Variants in SEL1L3 observed in about 807,000 individuals in gnomAD.
The protein encoded by SEL1L3 is SEL1L family member 3.
Under a neutral mutation model 142.8 loss-of-function variants are expected in SEL1L3, and 76 were observed. The ratio of observed to expected loss-of-function variants is 0.53; its 90% CI spans 0.44 to 0.64. The LOEUF is 0.64. Among genes scored for constraint, SEL1L3 ranks in the 30% least tolerant of loss-of-function variants. SEL1L3 has a pLI of 0.00. For synonymous variants in SEL1L3, 504 were observed against 519.6 expected, an observed-to-expected ratio of 0.97 and a Z score of 0.41; for missense variants, 1,262 against 1,381.7, an observed-to-expected ratio of 0.91 and a Z score of 1.37.
the SEL1L3 span, among the ~76,000 whole-genome samples, chr4:25,734,664 ATCCAAGTGAT>A: frequency 3.3e-5 from 5 of 151,676 alleles, no homozygotes; most frequent in African/African-American, 1.2e-4. Context: ...TGCCTCCCGG[ATCCAAGTGAT>A]TCTCATTCCT....
chr4:25,833,354 A>AAT (rs1715567063), intron 4 of SEL1L3, 94 bp downstream of exon 4: 1 of 1,248,634 alleles, frequency 8.0e-7, no homozygotes, highest in Non-Finnish European at 1.1e-6. Flanking sequence ...TGCCATGTTG[A>AAT]CAGGATCTTC....
chr4:25,812,396 T>G lies in SEL1L3; in HGVS notation c.1564+5742A>C, dbSNP rs532968972. Among the ~76,000 whole-genome samples, 4 of 152,286 alleles carry G rather than the reference T, an allele frequency of 2.6e-5. No individual in the cohort carries two copies. In the Middle Eastern group the frequency reaches 0.01, roughly 388 times the overall value. On this transcript the variant is annotated intron_variant, in intron 9 of 23. Transcript: ENST00000399878. ...ACCATCCTGCATAATGACTGTCGACTTTCCTGATTTCACAGTAGAGCTTGG... is the reference window on the plus strand; with the variant it reads ...ACCATCCTGCATAATGACTGTCGACGTTCCTGATTTCACAGTAGAGCTTGG...
intron 19 of SEL1L3, among the ~76,000 whole-genome samples, chr4:25,766,254 C>T (rs1178021091): frequency 6.6e-6 from 1 of 152,044 alleles, no homozygotes; most frequent in Non-Finnish European, 1.5e-5. Flanking sequence ...GCCTGGCTAA[C>T]ATGGTGAAAT....
rs777542140 is a variant in SEL1L3 at position 25,788,311 on chromosome 4, G to C, written c.2130C>G (p.Pro710=). Reference sequence around the variant, plus strand: ...TGGCGTACCACTCAATTGCTGCTTCGGGATTCTTGGCCACACCTTGCTGCC... The same window carrying C: ...TGGCGTACCACTCAATTGCTGCTTCCGGATTCTTGGCCACACCTTGCTGCC... ...FWGQQGVAKN[P]EAAIEWYAKG... is the part of the protein sequence containing the mutation. The change falls in exon 13 of 24, where the codon CCC becomes CCG. Residue 710 remains proline, a synonymous_variant. Coordinates refer to ENST00000399878, the MANE Select transcript of SEL1L3 (RefSeq NM_015187.5). The surrounding 1 kb of genome is among the most constrained non-coding windows in gnomAD (Gnocchi z 5.3). 3 of 1,613,894 alleles carry C rather than the reference G, an allele frequency of 1.9e-6. No homozygotes were observed. Among genetic ancestry groups the C allele is most frequent in the Non-Finnish European group, 2.5e-6 (3 of 1,179,848 alleles).
rs189350819 is a variant in SEL1L3 at position 25,822,840 on chromosome 4, G to A, written c.1158-712C>T. 3.9e-5 allele frequency among the ~76,000 whole-genome samples: 6 copies of A among 152,286 alleles called. No homozygotes were observed. The East Asian group carries it at 5.8e-4, about 15-fold the overall frequency. On this transcript the variant is annotated intron_variant, in intron 6 of 23. Coordinates refer to ENST00000399878, the MANE Select transcript of SEL1L3 (RefSeq NM_015187.5). ...GTTCCTTGCAACATTGTTTATATTCGCCAAAGATGGGAGAACCCCGGTGTC... is the reference window on the plus strand; with the variant it reads ...GTTCCTTGCAACATTGTTTATATTCACCAAAGATGGGAGAACCCCGGTGTC...
rs754504252 is a variant in SEL1L3 at position 25,757,675 on chromosome 4, A to G, written c.3186+13T>C. 7 of 1,577,686 alleles carry G rather than the reference A, an allele frequency of 4.4e-6. No individual in the cohort carries two copies. Among genetic ancestry groups the G allele is most frequent in the Non-Finnish European group, 6.0e-6 (7 of 1,161,900 alleles). On this transcript the variant is annotated intron_variant, in intron 22 of 23. Coordinates refer to ENST00000399878, the MANE Select transcript of SEL1L3 (RefSeq NM_015187.5). ...GGGCCACAAGGGTGGGGCCGGTGGG[A>G]CATGAAACCTACCAGGGCTGAGTGC...
intron 11 of SEL1L3, among the ~76,000 whole-genome samples, chr4:25,796,572 C>A (rs951642811): frequency 6.6e-6 from 1 of 152,060 alleles, no homozygotes; most frequent in African/African-American, 2.4e-5. Context: ...GTGGGCAGAT[C>A]GCTTGAGGTC....
chr4:25,754,515 A>G (rs1421385274), intron 23 of SEL1L3, among the ~76,000 whole-genome samples: 1 of 151,806 alleles, frequency 6.6e-6, no homozygotes, highest in Non-Finnish European at 1.5e-5. Flanking sequence ...TACCCGTCCC[A>G]TATTTCAACT....
intron 3 of SEL1L3, among the ~76,000 whole-genome samples, chr4:25,834,163 A>C (rs1715620142): frequency 6.6e-6 from 1 of 152,208 alleles, no homozygotes; most frequent in Admixed American, 6.5e-5. Flanking sequence ...TAATTATCCC[A>C]TTCCTGGACT....
At chr4:25,768,472 C>T (rs1718913199) in intron 17 of SEL1L3, among the ~76,000 whole-genome samples, 1 of 152,182 alleles carries the variant, frequency 6.6e-6, no homozygotes, top group Non-Finnish European at 1.5e-5. Context: ...ACATACTCTA[C>T]AACTACTGCC....
At chr4:25,776,944 G>C (rs1560291555) in intron 16 of SEL1L3, among the ~76,000 whole-genome samples, 4 of 148,782 alleles carry the variant, frequency 2.7e-5, no homozygotes. Flanking sequence ...ACAGGAAAAT[G>C]GTATATTTAA....
the SEL1L3 span, among the ~76,000 whole-genome samples, chr4:25,733,262 A>G: frequency 3.3e-5 from 5 of 152,042 alleles, no homozygotes; most frequent in Non-Finnish European, 5.9e-5. Context: ...TGCAGATGAT[A>G]TATCTCCATT....
chr4:25,789,345 A>G (rs1440064335), intron 12 of SEL1L3, among the ~76,000 whole-genome samples: 1 of 152,130 alleles, frequency 6.6e-6, no homozygotes, highest in African/African-American at 2.4e-5. Flanking sequence ...TTTGAGAGGC[A>G]TAAGCAGGAG....
intron 6 of SEL1L3, among the ~76,000 whole-genome samples, chr4:25,825,676 T>TG (rs1256437924): frequency 2.1e-5 from 3 of 140,472 alleles, no homozygotes; most frequent in Admixed American, 7.2e-5. Context: ...ATTTTTTTTT[T>TG]TTTTTTTTTT....
At chr4:25,798,026 C>A (rs934866915) in intron 11 of SEL1L3, among the ~76,000 whole-genome samples, 1 of 152,128 alleles carries the variant, frequency 6.6e-6, no homozygotes, top group African/African-American at 2.4e-5. Context: ...AGAAAGCAAA[C>A]CAGTAAGCAG....
chr4:25,740,545 G>A, the SEL1L3 span, among the ~76,000 whole-genome samples: 6 of 152,088 alleles, frequency 3.9e-5, no homozygotes, highest in African/African-American at 1.4e-4. Flanking sequence ...GATCCAGGCT[G>A]CTCCAGCTTG....
chr4:25,724,632 G>T, the SEL1L3 span, among the ~76,000 whole-genome samples: 1 of 149,936 alleles, frequency 6.7e-6, no homozygotes, highest in Non-Finnish European at 1.5e-5. Flanking sequence ...AGCCACTCGG[G>T]AGGCTGAGGC....
rs1420686106 is a variant in SEL1L3 at position 25,779,113 on chromosome 4, G to C, written c.2548C>G (p.Leu850Val). ...WCSLYYITGN[L>V]ETFPRDPEKA... Reference sequence around the variant, plus strand: ...TCAGGATCTCTAGGGAATGTCTCCAGGTTGCCTGTGATATAGTAGAGAGAA... The same window carrying C: ...TCAGGATCTCTAGGGAATGTCTCCACGTTGCCTGTGATATAGTAGAGAGAA... Residue 850 changes from leucine (L) to valine (V), a missense_variant, in exon 16 of 24, where the codon CTG (leucine) becomes GTG (valine). Physicochemically the swap from Leu to Val is conservative, Grantham distance 32 (BLOSUM62 1). Around this residue, in one of 3 missense-constraint regions of SEL1L3, gnomAD observed 435 missense variants for 559.2 expected, o/e 0.78. Transcript: ENST00000399878. The C allele has an allele frequency of 1.9e-6, 3 of 1,613,632 alleles. No homozygotes were observed. The highest frequency in any genetic ancestry group is 2.5e-6 in the Non-Finnish European group (3 of 1,179,620).
chr4:25,842,549 C>T (rs1453564493), intron 2 of SEL1L3, among the ~76,000 whole-genome samples: 3 of 152,216 alleles, frequency 2.0e-5, no homozygotes, highest in South Asian at 2.1e-4. Context: ...CCTTAACTAG[C>T]GCAGCCCTGG....
Sources: allele counts gnomAD v4.1 joint callset (sites outside exome capture counted in the v4.1 genomes callset), GRCh38; gene constraint gnomAD v4.1.1; regional missense constraint gnomAD v4.1.1; non-coding constraint Gnocchi (gnomAD v3.1); transcripts MANE v1.5; gene names NCBI Gene and HGNC (gene_info 2026-07-23, HGNC 2026-07-21).